The following ADGRB3 variants were observed in gnomAD, a reference collection of about 807,000 sequenced individuals.
ADGRB3 encodes the protein brain-specific angiogenesis inhibitor 3.
Under a neutral mutation model 193.4 loss-of-function variants are expected in ADGRB3, and 37 were observed. That is an observed-to-expected ratio of 0.19 (90% CI 0.15 to 0.25). The LOEUF (loss-of-function observed/expected upper bound fraction) is 0.25, where lower values mean the gene tolerates loss of function less well. Ranked by LOEUF, ADGRB3 falls within the 10% of genes least tolerant of loss-of-function variation. The pLI, the probability that ADGRB3 is intolerant of heterozygous loss-of-function variation, is 1.00. For synonymous variants in ADGRB3, 690 were observed against 644.2 expected, an observed-to-expected ratio of 1.07 and a Z score of -1.08; for missense variants, 1,637 against 1,852.9, an observed-to-expected ratio of 0.88 and a Z score of 2.14.
chr6:69,042,707 T>TC lies in ADGRB3; in HGVS notation c.2108-5478_2108-5477insC, dbSNP rs1562134360. Among the ~76,000 whole-genome samples the TC allele has an allele frequency of 5.9e-5, 9 of 152,310 alleles. No homozygotes were observed. The East Asian group carries it at 1.7e-3, about 29-fold the overall frequency. ...CAAAACAGTACAGGTGACCATCTAG[T>TC]GATATTGAGTCATGTTTTCCACAAG... On this transcript the variant is annotated intron_variant, in intron 13 of 31. Coordinates refer to ENST00000370598, the MANE Select transcript of ADGRB3 (RefSeq NM_001704.3).
chr6:68,833,880 T>C (rs1266789832), intron 3 of ADGRB3, among the ~76,000 whole-genome samples: 2 of 151,392 alleles, frequency 1.3e-5, no homozygotes, highest in Non-Finnish European at 2.9e-5. Context: ...GATTAAAATG[T>C]CAATTTGTTT....
chr6:68,935,417 T>C (rs1767460938), intron 4 of ADGRB3, among the ~76,000 whole-genome samples: 1 of 152,216 alleles, frequency 6.6e-6, no homozygotes, highest in African/African-American at 2.4e-5. Flanking sequence ...TACATGATCA[T>C]ATTCTATCCT....
chr6:69,177,420 C>T (rs571720347), intron 17 of ADGRB3, among the ~76,000 whole-genome samples: 61 of 151,910 alleles, frequency 4.0e-4, no homozygotes, highest in African/African-American at 1.4e-3. Flanking sequence ...GCAGTGGCGC[C>T]GTCTCGGCTC....
chr6:68,664,253 G>A (rs919739180), intron 3 of ADGRB3, among the ~76,000 whole-genome samples: 2 of 151,652 alleles, frequency 1.3e-5, no homozygotes, highest in African/African-American at 4.8e-5. Context: ...GTATGAAAAT[G>A]TTTGAGATGT....
chr6:68,793,591 C>T (rs903985713), intron 3 of ADGRB3, among the ~76,000 whole-genome samples: 14 of 152,126 alleles, frequency 9.2e-5, no homozygotes, highest in East Asian at 3.9e-4. Flanking sequence ...TGCAGTGGCA[C>T]GATCTCAGCT....
intron 17 of ADGRB3, among the ~76,000 whole-genome samples, chr6:69,194,106 A>G (rs985487475): frequency 4.6e-5 from 7 of 151,858 alleles, no homozygotes; most frequent in Non-Finnish European, 7.4e-5. Context: ...TTATTTCTCT[A>G]TTTACCTCCG....
intron 3 of ADGRB3, among the ~76,000 whole-genome samples, chr6:68,714,139 C>T (rs1299221185): frequency 2.6e-5 from 4 of 151,598 alleles, no homozygotes; most frequent in Non-Finnish European, 5.9e-5. Context: ...TGCTTGAAAA[C>T]TTTTATAAAA....
At chr6:68,951,903 C>T (rs1241159016) in intron 6 of ADGRB3, among the ~76,000 whole-genome samples, 1 of 152,138 alleles carries the variant, frequency 6.6e-6, no homozygotes, top group African/African-American at 2.4e-5. Context: ...GAAGGAGAAG[C>T]AGCTTCCTCA....
intron 19 of ADGRB3, among the ~76,000 whole-genome samples, chr6:69,235,598 C>T (rs1766245054): frequency 6.6e-6 from 1 of 152,022 alleles, no homozygotes. Context: ...CCCTTCTATG[C>T]TATTGAAGCA....
intron 17 of ADGRB3, chr6:69,232,741 T>C (rs1561960787): frequency 2.2e-6 from 2 of 921,734 alleles, no homozygotes; most frequent in East Asian, 5.3e-5. Context: ...ACAGCAGCTA[T>C]TCTAAAAGGA....
At chr6:68,890,061 A>G (rs754961001) in intron 3 of ADGRB3, among the ~76,000 whole-genome samples, 3 of 152,184 alleles carry the variant, frequency 2.0e-5, no homozygotes, top group Non-Finnish European at 2.9e-5. Flanking sequence ...CAAAATGTCA[A>G]TATTTTCTGT....
intron 3 of ADGRB3, among the ~76,000 whole-genome samples, chr6:68,835,655 G>A (rs1265357935): frequency 6.6e-6 from 1 of 151,498 alleles, no homozygotes; most frequent in Non-Finnish European, 1.5e-5. Context: ...TTTTTTTAGA[G>A]TTCTTAGATT....
In ADGRB3 at chr6:68,925,938, T is replaced by G. The variant is rs916803394; in HGVS notation, c.758-4621T>G. Among the ~76,000 whole-genome samples, 108 of 152,074 alleles carry G rather than the reference T, an allele frequency of 7.1e-4. 1 individual carries two copies. Among genetic ancestry groups the G allele is most frequent in the Non-Finnish European group, 9.7e-4 (66 of 67,934 alleles). On this transcript the variant is annotated intron_variant, in intron 3 of 31. Transcript: ENST00000370598. The stretch of plus-strand genomic sequence containing the variant: ...AGGACAGTGACACTTAATTTTCAAA[T>G]GAAGCAGTATTTCAATTATTTTAAT...
intron 3 of ADGRB3, among the ~76,000 whole-genome samples, chr6:68,661,289 C>T: frequency 7.7e-6 from 1 of 129,340 alleles, no homozygotes; most frequent in African/African-American, 3.0e-5. Flanking sequence ...TATAGGTGGC[C>T]AAAATATATA....
In ADGRB3 at chr6:68,805,551, G is replaced by T. The variant is rs184257408; in HGVS notation, c.758-125008G>T. ...TCTCCTATCTCTCAAAGGAAATTCT[G>T]GTATTCTTCTGATCCACTTAAGGCT... On this transcript the variant is annotated intron_variant, in intron 3 of 31. Transcript: ENST00000370598. 3.9e-5 allele frequency among the ~76,000 whole-genome samples: 6 copies of T among 152,178 alleles called. No individual in the cohort carries two copies. In the East Asian group the frequency reaches 1.2e-3, roughly 29 times the overall value.
chr6:69,312,651 T>C (rs1416962007), intron 20 of ADGRB3, among the ~76,000 whole-genome samples: 1 of 151,732 alleles, frequency 6.6e-6, no homozygotes, highest in East Asian at 1.9e-4. Flanking sequence ...GCCTGCCTTC[T>C]TCCTGCACCC....
At chr6:69,226,986 A>T (rs545219742) in intron 17 of ADGRB3, among the ~76,000 whole-genome samples, 1 of 152,364 alleles carries the variant, frequency 6.6e-6, no homozygotes, top group East Asian at 1.9e-4. Flanking sequence ...ATCCAGATTC[A>T]GAGGAGGAGG....
chr6:68,755,379 G>A (rs1259634321), intron 3 of ADGRB3, among the ~76,000 whole-genome samples: 1 of 152,128 alleles, frequency 6.6e-6, no homozygotes, highest in African/African-American at 2.4e-5. Context: ...TGGGCAGGAA[G>A]AAGTGCCTCT....
intron 17 of ADGRB3, among the ~76,000 whole-genome samples, chr6:69,079,337 TC>T (rs1449048403): frequency 1.3e-5 from 2 of 152,040 alleles, no homozygotes; most frequent in Non-Finnish European, 2.9e-5. Flanking sequence ...TATTTTTTAT[TC>T]AATAGATGCA....
Sources: allele counts gnomAD v4.1 joint callset (sites outside exome capture counted in the v4.1 genomes callset), GRCh38; gene constraint gnomAD v4.1.1; transcripts MANE v1.5; gene names NCBI Gene and HGNC (gene_info 2026-07-23, HGNC 2026-07-21).